CTNNA3: variants seen among roughly 807,000 people sequenced by gnomAD.
The protein encoded by CTNNA3 is catenin alpha 3.
CTNNA3 carries 76 observed loss-of-function variants against 95.7 expected under a neutral mutation model. The observed-to-expected ratio is 0.79, with a 90% CI of 0.66 to 0.96. CTNNA3 has a LOEUF of 0.96. CTNNA3 is among the 40% of genes least tolerant of loss of function. The pLI, the probability that CTNNA3 is intolerant of heterozygous loss-of-function variation, is 0.00. For missense variants in CTNNA3, 1,191 were observed against 1,089.8 expected (o/e 1.09, Z -1.31); for synonymous variants, 431 against 374.4 (o/e 1.15, Z -1.74).
Position 66,148,349 on chromosome 10 carries a change from G to T in CTNNA3, c.1885-45100C>A, listed in dbSNP as rs551052928. On this transcript the variant is annotated intron_variant, in intron 13 of 17. Transcript: ENST00000433211. Reference sequence around the variant, plus strand: ...AATGTTGCACAAATAGTATCTACTAGTTTTTAAAAATAATATATATATGCT... The same window carrying T: ...AATGTTGCACAAATAGTATCTACTATTTTTTAAAAATAATATATATATGCT... Among the ~76,000 whole-genome samples the T allele has an allele frequency of 2.7e-4, 41 of 152,082 alleles. No individual in the cohort carries two copies. In the South Asian group the frequency reaches 7.3e-3, roughly 27 times the overall value.
At chr10:67,614,920 T>C (rs752286659) in intron 2 of CTNNA3, among the ~76,000 whole-genome samples, 15 of 152,194 alleles carry the variant, frequency 9.9e-5, no homozygotes, top group Non-Finnish European at 2.2e-4. Flanking sequence ...ACAACAATGA[T>C]GTCTTTCCCT....
At chr10:67,639,469 C>T (rs1196784206) in intron 2 of CTNNA3, among the ~76,000 whole-genome samples, 1 of 152,132 alleles carries the variant, frequency 6.6e-6, no homozygotes, top group Non-Finnish European at 1.5e-5. Context: ...CTATTCCAAT[C>T]AACAGAAAAA....
At chr10:66,121,573 G>A (rs1374220914) in intron 13 of CTNNA3, among the ~76,000 whole-genome samples, 1 of 152,148 alleles carries the variant, frequency 6.6e-6, no homozygotes, top group Non-Finnish European at 1.5e-5. Context: ...GTTGTAGCCA[G>A]GTGCAGTGGT....
At chr10:66,021,868 T>TTTTTTTTTTTTTTTTTG (rs1392457132) in intron 15 of CTNNA3, among the ~76,000 whole-genome samples, 2 of 144,322 alleles carry the variant, frequency 1.4e-5, no homozygotes, top group African/African-American at 2.5e-5. Flanking sequence ...TTTTTTTTTT[T>TTTTTTTTTTTTTTTTTG]AGATAGATAG....
chr10:67,116,975 A>G (rs1859221519), intron 7 of CTNNA3, among the ~76,000 whole-genome samples: 1 of 151,778 alleles, frequency 6.6e-6, no homozygotes, highest in Non-Finnish European at 1.5e-5. Flanking sequence ...GATTTAAAAA[A>G]TAAATTAGAT....
chr10:67,122,158 G>C (rs924224709), intron 7 of CTNNA3, among the ~76,000 whole-genome samples: 6 of 151,938 alleles, frequency 3.9e-5, no homozygotes, highest in Non-Finnish European at 7.4e-5. Flanking sequence ...TTTCCTAAGG[G>C]AAAGGATAAG....
chr10:67,012,974 T>C (rs1236017984), intron 7 of CTNNA3: 1 of 152,182 alleles, frequency 6.6e-6, no homozygotes, highest in Non-Finnish European at 1.5e-5. Flanking sequence ...TTTTCCCTTA[T>C]ATTTTCCAGG....
At chr10:67,627,145 C>T (rs1838985888) in intron 2 of CTNNA3, among the ~76,000 whole-genome samples, 2 of 152,168 alleles carry the variant, frequency 1.3e-5, no homozygotes, top group Admixed American at 1.3e-4. Flanking sequence ...ACACATCCTA[C>T]TGTGGCTTGT....
chr10:66,280,848 A>C (rs1446714337), intron 12 of CTNNA3, among the ~76,000 whole-genome samples: 1 of 151,696 alleles, frequency 6.6e-6, no homozygotes, highest in Non-Finnish European at 1.5e-5. Flanking sequence ...TCTAAACCCC[A>C]GGCTTCTGGA....
At position 65,918,683 on chromosome 10, in the gene CTNNA3, T is replaced by G. The variant is rs1320024928; in HGVS notation, c.*1647A>C. 6.6e-6 allele frequency: 1 copy of G among 152,108 alleles called. No homozygotes were observed. The highest frequency in any genetic ancestry group is 1.5e-5 in the Non-Finnish European group (1 of 68,008). 9.4% of individuals were successfully genotyped at this position (152,108 alleles called of 1,614,324 possible). ...TTTATTGCCTTCACCTCCTAGGAAG[T>G]TTTACACTGAGCTCAGGCAATCCAG... On this transcript the variant is annotated 3_prime_UTR_variant, in exon 18 of 18. Transcript: ENST00000433211.
chr10:67,672,556 C>A (rs1840457789), intron 1 of CTNNA3, among the ~76,000 whole-genome samples: 1 of 152,092 alleles, frequency 6.6e-6, no homozygotes, highest in Non-Finnish European at 1.5e-5. Flanking sequence ...AGGAAGGGAT[C>A]CAGTTTCAGC....
At chr10:66,738,690 TC>T (rs530754167) in intron 9 of CTNNA3, among the ~76,000 whole-genome samples, 227 of 152,294 alleles carry the variant, frequency 1.5e-3, no homozygotes, top group Non-Finnish European at 2.7e-3. Context: ...CATTTTAATC[TC>T]CATCACTATT....
chr10:66,521,350 T>C (rs1351625134), intron 10 of CTNNA3, among the ~76,000 whole-genome samples: 1 of 152,158 alleles, frequency 6.6e-6, no homozygotes, highest in Non-Finnish European at 1.5e-5. Flanking sequence ...CCTTAACTGA[T>C]GATTCTGGTA....
intron 5 of CTNNA3, among the ~76,000 whole-genome samples, chr10:67,337,134 A>G (rs1427787783): frequency 6.6e-6 from 1 of 152,168 alleles, no homozygotes; most frequent in African/African-American, 2.4e-5. Flanking sequence ...AGCAAAGTAA[A>G]TTAAAAACCT....
At chr10:67,130,337 AG>A (rs1163261299) in intron 7 of CTNNA3, among the ~76,000 whole-genome samples, 2 of 152,092 alleles carry the variant, frequency 1.3e-5, no homozygotes, top group African/African-American at 4.8e-5. Flanking sequence ...CTTATAGGGC[AG>A]GCAGGGAGAA....
At chr10:66,822,578 T>C (rs376522742) in intron 7 of CTNNA3, among the ~76,000 whole-genome samples, 1 of 152,228 alleles carries the variant, frequency 6.6e-6, no homozygotes, top group South Asian at 2.1e-4. Flanking sequence ...AATTCTGCAA[T>C]GCCATGTGAA....
At chr10:67,452,756 C>G (rs1467000477) in intron 5 of CTNNA3, among the ~76,000 whole-genome samples, 1 of 152,156 alleles carries the variant, frequency 6.6e-6, no homozygotes, top group Non-Finnish European at 1.5e-5. Flanking sequence ...TAGGCAGGAA[C>G]ACAGATAATA....
chr10:67,491,678 G>A (rs1848652866), intron 5 of CTNNA3, among the ~76,000 whole-genome samples: 1 of 152,168 alleles, frequency 6.6e-6, no homozygotes, highest in East Asian at 1.9e-4. Context: ...ATACAATTTA[G>A]ATTTCATTCT....
intron 5 of CTNNA3, among the ~76,000 whole-genome samples, chr10:67,423,313 A>G (rs1845812095): frequency 6.6e-6 from 1 of 152,158 alleles, no homozygotes; most frequent in African/African-American, 2.4e-5. Context: ...TTGACCAACC[A>G]GAACATCTTG....
Sources: gnomAD v4.1 joint callset for allele counts (sites outside exome capture counted in the v4.1 genomes callset) on GRCh38, gnomAD v4.1.1 for gene constraint, MANE v1.5 for transcripts, NCBI Gene and HGNC (gene_info 2026-07-23, HGNC 2026-07-21) for gene names.